Variants in KCNK3 observed in about 807,000 individuals in gnomAD.
The protein encoded by KCNK3 is potassium two pore domain channel subfamily K member 3.
Under a neutral mutation model 27.3 loss-of-function variants are expected in KCNK3, and 9 were observed. The ratio of observed to expected loss-of-function variants is 0.33; its 90% CI spans 0.20 to 0.57. KCNK3 has a LOEUF of 0.57. Among genes scored for constraint, KCNK3 ranks in the 20% least tolerant of loss-of-function variants. The pLI, the probability that KCNK3 is intolerant of heterozygous loss-of-function variation, is 0.87. For synonymous variants in KCNK3, 278 were observed against 273.8 expected, an observed-to-expected ratio of 1.02 and a Z score of -0.15; for missense variants, 391 against 577.7, an observed-to-expected ratio of 0.68 and a Z score of 3.31.
At chr2:26,695,172 C>T (rs1670219547) in intron 1 of KCNK3, among the ~76,000 whole-genome samples, 1 of 152,210 alleles carries the variant, frequency 6.6e-6, no homozygotes, top group Non-Finnish European at 1.5e-5. Flanking sequence ...TCTGAGAATA[C>T]CTTAAGTATG....
At position 26,732,046 on chromosome 2, in the gene KCNK3, T is replaced by C. The variant is rs1663551484; in HGVS notation, c.*3478T>C. The stretch of plus-strand genomic sequence containing the variant: ...AGAGTGCATCACAAGCACCTTTCTT[T>C]GGGGTAGATTTTTCTCTGGGTCTAG... On this transcript the variant is annotated 3_prime_UTR_variant, in exon 2 of 2. Coordinates refer to ENST00000302909, the MANE Select transcript of KCNK3 (RefSeq NM_002246.3). 6.6e-6 allele frequency: 1 copy of C among 152,194 alleles called. No homozygotes were observed. The highest frequency in any genetic ancestry group is 2.4e-5 in the African/African-American group (1 of 41,420). 9.4% of individuals were successfully genotyped at this position (152,194 alleles called of 1,614,324 possible). A position where few individuals can be genotyped will look rare whatever the true frequency, so the allele number is the denominator to read the frequency against.
At chr2:26,709,464 C>T (rs942105199) in intron 1 of KCNK3, among the ~76,000 whole-genome samples, 4 of 152,012 alleles carry the variant, frequency 2.6e-5, no homozygotes, top group Non-Finnish European at 5.9e-5. Context: ...GGAGTGTTTC[C>T]AGAGAGGGAA....
At chr2:26,711,151 T>C (rs1483729792) in intron 1 of KCNK3, among the ~76,000 whole-genome samples, 2 of 152,202 alleles carry the variant, frequency 1.3e-5, no homozygotes, top group East Asian at 3.8e-4. Flanking sequence ...AGAAGACCCC[T>C]GGGAAATTAC....
intron 1 of KCNK3, among the ~76,000 whole-genome samples, chr2:26,712,138 G>T (rs1199338390): frequency 6.6e-6 from 1 of 152,146 alleles, no homozygotes; most frequent in Non-Finnish European, 1.5e-5. Flanking sequence ...GGATGGCCGA[G>T]GCCACTGGAA....
intron 1 of KCNK3, among the ~76,000 whole-genome samples, chr2:26,702,902 G>A (rs1394726477): frequency 6.6e-6 from 1 of 152,078 alleles, no homozygotes; most frequent in Non-Finnish European, 1.5e-5. Flanking sequence ...GATCACTTGA[G>A]GTTGGGAGTT....
intron 1 of KCNK3, among the ~76,000 whole-genome samples, chr2:26,707,371 T>C (rs960917391): frequency 3.9e-5 from 6 of 152,068 alleles, no homozygotes; most frequent in African/African-American, 1.4e-4. Flanking sequence ...GCAGACACAG[T>C]TTTGTTGCAC....
intron 1 of KCNK3, among the ~76,000 whole-genome samples, chr2:26,696,206 A>G (rs1558593620): frequency 6.6e-6 from 1 of 152,184 alleles, no homozygotes; most frequent in African/African-American, 2.4e-5. Flanking sequence ...ATCTCTTGTC[A>G]TGATTCTCAG....
At position 26,693,260 on chromosome 2, in the gene KCNK3, G is replaced by A; in HGVS notation, c.283+102G>A. 8.6e-7 allele frequency: 1 copy of A among 1,162,046 alleles called. No homozygotes were observed. The highest frequency in any genetic ancestry group is 1.1e-6 in the Non-Finnish European group (1 of 875,380). The allele number at this position is 1,162,046 out of a possible 1,614,324, so 72.0% of individuals were successfully genotyped here. A position where few individuals can be genotyped will look rare whatever the true frequency, so the allele number is the denominator to read the frequency against. On this transcript the variant is annotated intron_variant, in intron 1 of 1. Coordinates refer to ENST00000302909, the MANE Select transcript of KCNK3 (RefSeq NM_002246.3). The surrounding 1 kb of genome is among the most constrained non-coding windows in gnomAD (Gnocchi z 5.5). The stretch of plus-strand genomic sequence containing the variant: ...GCTGGGGGCGGGGGCTCCCCCGAGA[G>A]GGGCTGGGCGCCGAACCCTGCGCTC...
rs143689341 is a variant in KCNK3, at chr2:26,727,677, C to T, written c.294C>T (p.His98=). 9 of 1,516,150 alleles carry T rather than the reference C, an allele frequency of 5.9e-6. No homozygotes were observed. Among genetic ancestry groups the T allele is most frequent in the East Asian group, 2.3e-5 (1 of 43,612 alleles). The allele number at this position is 1,516,150 out of a possible 1,614,324, so 93.9% of individuals were successfully genotyped here. A position where few individuals can be genotyped will look rare whatever the true frequency, so the allele number is the denominator to read the frequency against. The change falls in exon 2 of 2, where the codon CAC becomes CAT. Residue 98 remains histidine, a synonymous_variant. Transcript: ENST00000302909. ...CCCACTTTCCCCCAGGCTACGGGCA[C>T]GCGGCACCCAGCACGGATGGCGGCA... is the stretch of plus-strand genomic sequence containing the variant. The part of the protein sequence containing the change: ...ITVITTIGYG[H]AAPSTDGGKV...
chr2:26,727,419 C>T (rs934643252), intron 1 of KCNK3, among the ~76,000 whole-genome samples: 2 of 151,482 alleles, frequency 1.3e-5, no homozygotes, highest in East Asian at 3.9e-4. Context: ...GCTCCCAAGC[C>T]GTGTGACCTT....
intron 1 of KCNK3, among the ~76,000 whole-genome samples, chr2:26,719,669 AT>A (rs1410256459): frequency 1.3e-5 from 2 of 152,186 alleles, no homozygotes; most frequent in Admixed American, 1.3e-4. Flanking sequence ...TCAATCCCAG[AT>A]GGAAAGTGTT....
intron 1 of KCNK3, among the ~76,000 whole-genome samples, chr2:26,696,278 G>A (rs1047993139): frequency 2.6e-5 from 4 of 152,224 alleles, no homozygotes; most frequent in Admixed American, 6.5e-5. Context: ...GGATGAAGGC[G>A]TGAAGGCTCA....
chr2:26,710,054 T>G (rs1663075962), intron 1 of KCNK3, among the ~76,000 whole-genome samples: 2 of 152,242 alleles, frequency 1.3e-5, no homozygotes, highest in African/African-American at 4.8e-5. Flanking sequence ...ATCCTGCACG[T>G]CTGTCCTCTG....
chr2:26,698,971 G>A (rs1363915007), intron 1 of KCNK3, among the ~76,000 whole-genome samples: 1 of 152,088 alleles, frequency 6.6e-6, no homozygotes, highest in Non-Finnish European at 1.5e-5. Flanking sequence ...GAGGTCAGGA[G>A]TTCAAGACCA....
In KCNK3 at chr2:26,728,530, A is replaced by G. The variant is rs1663475413; in HGVS notation, c.1147A>G (p.Thr383Ala). 4.1e-6 allele frequency: 6 copies of G among 1,474,422 alleles called. No homozygotes were observed. The highest frequency in any genetic ancestry group is 5.4e-6 in the Non-Finnish European group (6 of 1,111,520). 91.3% of individuals were successfully genotyped at this position (1,474,422 alleles called of 1,614,324 possible). ...SVSTGLHSLS[T>A]FRGLMKRRSS... Reference sequence around the variant, plus strand: ...GTCCACGGGTCTGCACAGCCTGTCCACCTTCCGCGGCCTCATGAAGCGCAG... The same window carrying G: ...GTCCACGGGTCTGCACAGCCTGTCCGCCTTCCGCGGCCTCATGAAGCGCAG... The change falls in exon 2 of 2, where the codon ACC becomes GCC. Residue 383 changes from threonine (T) to alanine (A), a missense_variant. Coordinates refer to ENST00000302909, the MANE Select transcript of KCNK3 (RefSeq NM_002246.3).
rs189119664 is a variant in KCNK3 at position 26,696,256 on chromosome 2, G to A, written c.283+3098G>A. Reference sequence around the variant, plus strand: ...TGAAGTTGCTGGGCAGGTATTGTTAGCTCTGCTGCATGGATGAAGGCGTGA... The same window carrying A: ...TGAAGTTGCTGGGCAGGTATTGTTAACTCTGCTGCATGGATGAAGGCGTGA... On this transcript the variant is annotated intron_variant, in intron 1 of 1. Coordinates refer to ENST00000302909, the MANE Select transcript of KCNK3 (RefSeq NM_002246.3). Among the ~76,000 whole-genome samples, 186 of 152,334 alleles carry A rather than the reference G, an allele frequency of 1.2e-3. 1 individual carries two copies. The highest frequency in any genetic ancestry group is 2.5e-4 in the Non-Finnish European group (17 of 68,026).
chr2:26,732,893 G>A lies in KCNK3; in HGVS notation c.*4325G>A, dbSNP rs1262699526. 1 of 152,216 alleles carries A rather than the reference G, an allele frequency of 6.6e-6. No individual in the cohort carries two copies. The highest frequency in any genetic ancestry group is 2.4e-5 in the African/African-American group (1 of 41,444). The allele number at this position is 152,216 out of a possible 1,614,324, so 9.4% of individuals were successfully genotyped here. A position where few individuals can be genotyped will look rare whatever the true frequency, so the allele number is the denominator to read the frequency against. The stretch of plus-strand genomic sequence containing the variant: ...GGACAGACTTTACAAACAGACCTGG[G>A]AGAAGTCCCCTAAGGGGCTGCATTT... On this transcript the variant is annotated 3_prime_UTR_variant, in exon 2 of 2. Coordinates refer to ENST00000302909, the MANE Select transcript of KCNK3 (RefSeq NM_002246.3).
At chr2:26,701,150 C>A (rs57035494) in intron 1 of KCNK3, among the ~76,000 whole-genome samples, 1 of 152,218 alleles carries the variant, frequency 6.6e-6, no homozygotes, top group African/African-American at 2.4e-5. Context: ...GACCTGACAT[C>A]TGGGAATAGC....
At position 26,728,628 on chromosome 2, in the gene KCNK3, A is replaced by G; in HGVS notation, c.*60A>G. ...GGCGGGGGACCCCTGCTGGGAGGCCAGGAGACTGCCCCTGCTGCCTTCTGC... is the reference window on the plus strand; with the variant it reads ...GGCGGGGGACCCCTGCTGGGAGGCCGGGAGACTGCCCCTGCTGCCTTCTGC... On this transcript the variant is annotated 3_prime_UTR_variant, in exon 2 of 2. Coordinates refer to ENST00000302909, the MANE Select transcript of KCNK3 (RefSeq NM_002246.3). 1 of 1,363,108 alleles carries G rather than the reference A, an allele frequency of 7.3e-7. No homozygotes were observed. Among genetic ancestry groups the G allele is most frequent in the East Asian group, 2.8e-5 (1 of 36,248 alleles). The allele number at this position is 1,363,108 out of a possible 1,614,324, so 84.4% of individuals were successfully genotyped here. A position where few individuals can be genotyped will look rare whatever the true frequency, so the allele number is the denominator to read the frequency against.
Sources: gnomAD v4.1 joint callset for allele counts (sites outside exome capture counted in the v4.1 genomes callset) on GRCh38, gnomAD v4.1.1 for gene constraint, Gnocchi (gnomAD v3.1) non-coding constraint, MANE v1.5 for transcripts, NCBI Gene and HGNC (gene_info 2026-07-23, HGNC 2026-07-21) for gene names.